Variants in DCK observed in about 807,000 individuals in gnomAD.
DCK encodes the protein deoxycytidine kinase, also known as deoxyadenosine kinase.
Under a neutral mutation model 38.3 loss-of-function variants are expected in DCK, and 23 were observed. The observed-to-expected ratio is 0.60, with a 90% CI of 0.43 to 0.85. The LOEUF (loss-of-function observed/expected upper bound fraction) is 0.85. Ranked by LOEUF, DCK falls within the 40% of genes least tolerant of loss-of-function variation. The probability of loss-of-function intolerance (pLI) is 0.00; values close to 1 mark genes in which losing one functional copy is unlikely to be tolerated. For synonymous variants in DCK, 108 were observed against 100.6 expected (o/e 1.07, Z -0.44); for missense variants, 259 against 304.4 (o/e 0.85, Z 1.11).
chr4:71,012,801 C>T (rs1242664945), intron 2 of DCK, among the ~76,000 whole-genome samples: 1 of 152,168 alleles, frequency 6.6e-6, no homozygotes, highest in Non-Finnish European at 1.5e-5. Context: ...GTAGATAAAA[C>T]CACAAAGATA....
intron 2 of DCK, among the ~76,000 whole-genome samples, chr4:71,013,014 GA>G (rs1444210144): frequency 1.3e-5 from 2 of 152,188 alleles, no homozygotes; most frequent in Admixed American, 1.3e-4. Flanking sequence ...TAAAAACCTT[GA>G]AAAAAGACGA....
intron 2 of DCK, 145 bp downstream of exon 2, chr4:70,998,327 A>G (rs1739705860): frequency 2.2e-6 from 1 of 460,734 alleles, no homozygotes; most frequent in Non-Finnish European, 3.9e-6. Context: ...TTACATGGAT[A>G]TATATACAGT....
At chr4:70,995,923 T>C (rs1739649984) in intron 1 of DCK, among the ~76,000 whole-genome samples, 1 of 151,742 alleles carries the variant, frequency 6.6e-6, no homozygotes, top group African/African-American at 2.4e-5. Flanking sequence ...TGAAAAAAAA[T>C]TTTACTGGCC....
chr4:70,998,100 A>C lies in DCK; in HGVS notation c.125A>C (p.Lys42Thr), dbSNP rs776277845. The change falls in exon 2 of 7, where the codon AAA becomes ACA. Residue 42 changes from lysine to threonine, a missense_variant. Coordinates refer to ENST00000286648, the MANE Select transcript of DCK (RefSeq NM_000788.3). ...AGKSTFVNIL[K>T]QLCEDWEVVP... is the part of the protein sequence containing the mutation. ...AAGTCAACATTTGTGAATATCCTTAAACAATTGTGTGAAGATTGGGAAGTG... is the reference window on the plus strand; with the variant it reads ...AAGTCAACATTTGTGAATATCCTTACACAATTGTGTGAAGATTGGGAAGTG... The C allele has an allele frequency of 6.2e-7, 1 of 1,606,114 alleles. No homozygotes were observed. Among genetic ancestry groups the C allele is most frequent in the East Asian group, 2.2e-5 (1 of 44,714 alleles).
Position 71,024,086 on chromosome 4 carries a change from T to C in DCK, c.549+380T>C, listed in dbSNP as rs548178415. Among the ~76,000 whole-genome samples, 5 of 152,310 alleles carry C rather than the reference T, an allele frequency of 3.3e-5. No individual in the cohort carries two copies. The East Asian group carries it at 9.6e-4, about 29-fold the overall frequency. ...CATTTTGATTACTATTGAATTTCCA[T>C]TGCCTAGAACACCCAGTGCTGGGCA... On this transcript the variant is annotated intron_variant, in intron 4 of 6. Transcript: ENST00000286648.
Position 70,993,945 on chromosome 4 carries a change from T to C in DCK, c.91+19T>C. 6.4e-7 allele frequency: 1 copy of C among 1,574,184 alleles called. No homozygotes were observed. The highest frequency in any genetic ancestry group is 8.7e-7 in the Non-Finnish European group (1 of 1,144,388). ...AACATCGGTAAGGAGCCTCCGGAAA[T>C]GTGGGACGCAAGGCTGGGGTGTCGC... is the stretch of plus-strand genomic sequence containing the variant. On this transcript the variant is annotated intron_variant, in intron 1 of 6. Coordinates refer to ENST00000286648, the MANE Select transcript of DCK (RefSeq NM_000788.3).
At chr4:71,012,113 T>G (rs1740114073) in intron 2 of DCK, among the ~76,000 whole-genome samples, 1 of 152,212 alleles carries the variant, frequency 6.6e-6, no homozygotes, top group Admixed American at 6.5e-5. Context: ...AGATCTTACT[T>G]GAAAGAACAG....
intron 3 of DCK, among the ~76,000 whole-genome samples, 159 bp from the exon 4 acceptor site, chr4:71,023,400 T>C (rs1358153905): frequency 6.6e-6 from 1 of 152,208 alleles, no homozygotes; most frequent in African/African-American, 2.4e-5. Context: ...TGAGAACCAT[T>C]GGCCAAAAAC....
In DCK at chr4:71,025,890, T is replaced by G; in HGVS notation, c.624T>G (p.Leu208=). ...TTCCTCTTGAATATTTAGAGAAGCT[T>G]CATTATAAACATGAAAGCTGGCTCC... The part of the protein sequence containing the change: ...QGIPLEYLEK[L]HYKHESWLLH... Residue 208 remains leucine (L), a synonymous_variant, in exon 5 of 7, where the codon CTT becomes CTG. Coordinates refer to ENST00000286648, the MANE Select transcript of DCK (RefSeq NM_000788.3). 1.2e-6 allele frequency: 2 copies of G among 1,610,964 alleles called. No individual in the cohort carries two copies. Among genetic ancestry groups the G allele is most frequent in the Non-Finnish European group, 1.7e-6 (2 of 1,178,402 alleles).
chr4:71,021,095 G>A (rs1441555896), intron 2 of DCK, among the ~76,000 whole-genome samples: 63 of 128,516 alleles, frequency 4.9e-4, no homozygotes, highest in African/African-American at 1.6e-3. Flanking sequence ...TTGAGACGGA[G>A]TCTCGCTCTG....
rs573862485 is a variant in DCK, at chr4:71,016,107, G to C, written c.208-6260G>C. On this transcript the variant is annotated intron_variant, in intron 2 of 6. Transcript: ENST00000286648. ...AAGTTTCAGGATACAAAGTCAATGT[G>C]CAAAAATCACAAGCATTCTTATACA... Among the ~76,000 whole-genome samples the C allele has an allele frequency of 8.5e-4, 129 of 152,264 alleles. No homozygotes were observed. In the Middle Eastern group the frequency reaches 0.01, roughly 12 times the overall value.
At chr4:71,001,411 G>A (rs899289971) in intron 2 of DCK, among the ~76,000 whole-genome samples, 5 of 151,620 alleles carry the variant, frequency 3.3e-5, no homozygotes, top group South Asian at 2.1e-4. Context: ...GAGGATTTTC[G>A]CATCGATGTT....
At position 71,008,796 on chromosome 4, in the gene DCK, T is replaced by C. The variant is rs1056616386; in HGVS notation, c.207+10614T>C. Reference sequence around the variant, plus strand: ...TATAAAACCAAAATGCCAAAAATTTTAATTTGCAGAAAGAAATGTAATCAT... The same window carrying C: ...TATAAAACCAAAATGCCAAAAATTTCAATTTGCAGAAAGAAATGTAATCAT... On this transcript the variant is annotated intron_variant, in intron 2 of 6. Coordinates refer to ENST00000286648, the MANE Select transcript of DCK (RefSeq NM_000788.3). 4.6e-5 allele frequency among the ~76,000 whole-genome samples: 7 copies of C among 152,360 alleles called. No homozygotes were observed. In the East Asian group the frequency reaches 9.6e-4, roughly 21 times the overall value.
chr4:71,019,421 T>G (rs550229547), intron 2 of DCK, among the ~76,000 whole-genome samples: 25 of 152,296 alleles, frequency 1.6e-4, no homozygotes, highest in Non-Finnish European at 3.5e-4. Flanking sequence ...ATTTATCATC[T>G]GAACCATTTT....
intron 5 of DCK, among the ~76,000 whole-genome samples, chr4:71,026,380 C>G (rs191265453): frequency 8.2e-4 from 125 of 152,098 alleles, no homozygotes; most frequent in Admixed American, 3.7e-3. Flanking sequence ...GTTTTCTCAT[C>G]TTTAAAAATG....
intron 1 of DCK, among the ~76,000 whole-genome samples, chr4:70,996,989 A>G (rs925228483): frequency 3.7e-4 from 57 of 152,218 alleles, no homozygotes; most frequent in Admixed American, 2.9e-3. Flanking sequence ...CTTTGCCCCA[A>G]TAAGTTAAGG....
chr4:71,018,926 A>G (rs1356702622), intron 2 of DCK, among the ~76,000 whole-genome samples: 2 of 151,740 alleles, frequency 1.3e-5, no homozygotes, highest in Admixed American at 1.3e-4. Flanking sequence ...CCTGCCTCGG[A>G]CTCCCAAAGT....
rs775494398 is a variant in DCK at position 70,998,199 on chromosome 4, TAAGTAGATAA to T, written c.207+21_207+30del. 76 of 1,315,094 alleles carry T rather than the reference TAAGTAGATAA, an allele frequency of 5.8e-5. No homozygotes were observed. The African/African-American group carries it at 9.1e-4, about 16-fold the overall frequency. The allele number at this position is 1,315,094 out of a possible 1,614,324, so 81.5% of individuals were successfully genotyped here. A position where few individuals can be genotyped will look rare whatever the true frequency, so the allele number is the denominator to read the frequency against. On this transcript the variant is annotated intron_variant, in intron 2 of 6. Transcript: ENST00000286648. ...GAATTTGAGGTATGAAAATAAAATT[TAAGTAGATAA>T]AAGCCTCTTGGTTTAGAGGAGCAGT...
chr4:71,018,085 G>A (rs1242652507), intron 2 of DCK, among the ~76,000 whole-genome samples: 1 of 150,640 alleles, frequency 6.6e-6, no homozygotes, highest in Non-Finnish European at 1.5e-5. Flanking sequence ...TTAGCCTTGT[G>A]ATAAATACCT....
Sources: allele counts gnomAD v4.1 joint callset (sites outside exome capture counted in the v4.1 genomes callset), GRCh38; gene constraint gnomAD v4.1.1; transcripts MANE v1.5; gene names NCBI Gene and HGNC (gene_info 2026-07-23, HGNC 2026-07-21).